The following ESRRG variants were observed in gnomAD, a reference collection of about 807,000 sequenced individuals.
ESRRG encodes estrogen related receptor gamma.
Under a neutral mutation model 44.0 loss-of-function variants are expected in ESRRG, and 13 were observed. The observed-to-expected ratio is 0.30, with a 90% CI of 0.19 to 0.47. The LOEUF (loss-of-function observed/expected upper bound fraction) is 0.47. Ranked by LOEUF, ESRRG falls within the 20% of genes least tolerant of loss-of-function variation. The pLI is 1.00. For synonymous variants in ESRRG, 215 were observed against 214.6 expected (o/e 1.00, Z -0.02); for missense variants, 395 against 580.6 (o/e 0.68, Z 3.29).
intron 3 of ESRRG, among the ~76,000 whole-genome samples, chr1:216,569,095 AGGAAGGAAGGAAGGAAGAAG>A (rs746821737): frequency 6.1e-5 from 5 of 81,480 alleles, no homozygotes; most frequent in Non-Finnish European, 1.6e-4. Flanking sequence ...GAAGGAAGGA[AGGAAGGAAGGAAGGAAGAAG>A]GAAGGAAGGA....
intron 2 of ESRRG, among the ~76,000 whole-genome samples, chr1:216,918,407 T>G (rs867304443): frequency 6.6e-6 from 1 of 152,190 alleles, no homozygotes; most frequent in African/African-American, 2.4e-5. Flanking sequence ...TAAACTGGTG[T>G]GGGGAAAATA....
chr1:216,816,127 C>T (rs1336315995), intron 2 of ESRRG, among the ~76,000 whole-genome samples: 1 of 152,140 alleles, frequency 6.6e-6, no homozygotes, highest in Non-Finnish European at 1.5e-5. Flanking sequence ...CAGCATTCAT[C>T]GTGGGTCATC....
intron 2 of ESRRG, among the ~76,000 whole-genome samples, chr1:216,868,531 T>G (rs183968644): frequency 6.6e-6 from 1 of 152,228 alleles, no homozygotes. Context: ...TAAATAATTA[T>G]ATACAGATTT....
intron 2 of ESRRG, among the ~76,000 whole-genome samples, chr1:216,827,701 T>G (rs1436888): frequency 0.71 from 107,871 of 152,028 alleles, 38,366 homozygotes; most frequent in African/African-American, 0.73. Flanking sequence ...GGGTATGCAA[T>G]GGTGCATACA....
intron 1 of ESRRG, among the ~76,000 whole-genome samples, chr1:217,026,924 G>C (rs1297966315): frequency 1.3e-3 from 196 of 147,676 alleles, no homozygotes; most frequent in Middle Eastern, 3.4e-3. Flanking sequence ...GAGAGAGAGA[G>C]AGAGAGAGAG....
chr1:217,017,143 G>C (rs903087808), intron 1 of ESRRG, among the ~76,000 whole-genome samples: 2 of 152,058 alleles, frequency 1.3e-5, no homozygotes, highest in African/African-American at 4.8e-5. Flanking sequence ...TAGAACTGTA[G>C]ACAGTTAGCT....
At chr1:216,893,544 CCTA>C (rs2058066503) in intron 2 of ESRRG, among the ~76,000 whole-genome samples, 1 of 152,100 alleles carries the variant, frequency 6.6e-6, no homozygotes, top group African/African-American at 2.4e-5. Context: ...TGTCATTTGT[CCTA>C]GACACAGTGT....
chr1:216,704,017 AG>A (rs1436182519), intron 1 of ESRRG, among the ~76,000 whole-genome samples: 2 of 152,234 alleles, frequency 1.3e-5, no homozygotes, highest in Middle Eastern at 3.2e-3. Context: ...TGAAGTAAAA[AG>A]TATTGAAAAA....
intron 1 of ESRRG, chr1:216,715,319 T>G (rs2084619483): frequency 1.2e-6 from 1 of 815,752 alleles, no homozygotes; most frequent in Non-Finnish European, 1.5e-6. Flanking sequence ...CACTTTCTCA[T>G]AGGAAAAAGA....
Position 217,030,221 on chromosome 1 carries a change from C to CCT in ESRRG, c.-106+59284_-106+59285dup, listed in dbSNP as rs199908918. Among the ~76,000 whole-genome samples, 1,152 of 152,172 alleles carry CCT rather than the reference C, an allele frequency of 7.6e-3. 14 individuals are homozygous for CCT. Among genetic ancestry groups the CCT allele is most frequent in the African/African-American group, 0.027 (1,104 of 41,518 alleles). On this transcript the variant is annotated intron_variant, in intron 1 of 7. Transcript: ENST00000359162. ...ATAAACCAAGTGATCAAACCACAAG[C>CCT]CTCCCTGTCCCTTCACTCTTCTCTG...
chr1:217,000,849 C>T (rs1244926567), intron 1 of ESRRG: 1 of 152,196 alleles, frequency 6.6e-6, no homozygotes, highest in African/African-American at 2.4e-5. Flanking sequence ...ACTTCCATGC[C>T]AATTGAAACT....
At chr1:216,773,835 C>T (rs11811887) in intron 2 of ESRRG, among the ~76,000 whole-genome samples, 1 of 152,012 alleles carries the variant, frequency 6.6e-6, no homozygotes, top group Non-Finnish European at 1.5e-5. Context: ...ATAAATCAGG[C>T]AGTACAGCCC....
At chr1:217,043,808 A>T (rs776060455) in intron 1 of ESRRG, among the ~76,000 whole-genome samples, 1 of 152,160 alleles carries the variant, frequency 6.6e-6, no homozygotes, top group Non-Finnish European at 1.5e-5. Flanking sequence ...GCTAAATGTC[A>T]GTTATCTGGG....
chr1:216,600,826 TGC>T (rs2059116541), intron 3 of ESRRG, among the ~76,000 whole-genome samples: 1 of 152,138 alleles, frequency 6.6e-6, no homozygotes, highest in Non-Finnish European at 1.5e-5. Context: ...GAGTAAACAA[TGC>T]AGAATGATCA....
chr1:216,518,084 C>G (rs2044918158), intron 6 of ESRRG, among the ~76,000 whole-genome samples: 1 of 152,274 alleles, frequency 6.6e-6, no homozygotes, highest in Admixed American at 6.5e-5. Context: ...AAGGTCTCAT[C>G]TCACTAGGAC....
rs138703477 is a variant in ESRRG, at chr1:216,856,365, A to G, written c.-14+83217T>C. ...GCTTCTCTCTTCAACACACACACAC[A>G]CACACACACACACACACACACACAC... On this transcript the variant is annotated intron_variant, in intron 2 of 7. Transcript: ENST00000359162. Among the ~76,000 whole-genome samples, 224 of 151,432 alleles carry G rather than the reference A, an allele frequency of 1.5e-3. 7 individuals carry two copies. The East Asian group carries it at 0.035, about 24-fold the overall frequency.
At chr1:217,011,208 T>C (rs1034225013) in intron 1 of ESRRG, among the ~76,000 whole-genome samples, 1 of 152,204 alleles carries the variant, frequency 6.6e-6, no homozygotes, top group Non-Finnish European at 1.5e-5. Flanking sequence ...TGCCTGACTA[T>C]CACTAAAAGA....
intron 2 of ESRRG, among the ~76,000 whole-genome samples, chr1:216,840,556 C>T (rs1033202763): frequency 2.0e-5 from 3 of 152,140 alleles, no homozygotes; most frequent in Admixed American, 2.0e-4. Flanking sequence ...CTAACTGGTG[C>T]AAGAGACCTA....
intron 1 of ESRRG, among the ~76,000 whole-genome samples, chr1:216,977,342 A>G (rs1001676684): frequency 1.7e-3 from 10 of 6,008 alleles, no homozygotes; most frequent in Non-Finnish European, 3.0e-3. Context: ...GAGGATACAT[A>G]CACACACACA....
Sources: allele counts gnomAD v4.1 joint callset (sites outside exome capture counted in the v4.1 genomes callset), GRCh38; gene constraint gnomAD v4.1.1; transcripts MANE v1.5; gene names NCBI Gene and HGNC (gene_info 2026-07-23, HGNC 2026-07-21).